Variants in LRRFIP1 observed in about 807,000 individuals in gnomAD.
LRRFIP1 encodes leucine-rich repeat flightless-interacting protein 1.
LRRFIP1 carries 62 observed loss-of-function variants against 104.4 expected under a neutral mutation model. The observed-to-expected ratio is 0.59, with a 90% CI of 0.48 to 0.73. LRRFIP1 has a LOEUF of 0.73. Ranked by LOEUF, LRRFIP1 falls within the 30% of genes least tolerant of loss-of-function variation. The probability of loss-of-function intolerance (pLI) is 0.00; values close to 1 mark genes in which losing one functional copy is unlikely to be tolerated. For synonymous variants in LRRFIP1, 300 were observed against 299.0 expected (o/e 1.00, Z -0.03); for missense variants, 796 against 824.5 (o/e 0.97, Z 0.42).
At chr2:237,744,037 A>G (rs1410760565) in intron 11 of LRRFIP1, among the ~76,000 whole-genome samples, 44 of 152,232 alleles carry the variant, frequency 2.9e-4, no homozygotes, top group Admixed American at 2.9e-3. Flanking sequence ...CTAGAAAAAC[A>G]ACACTATTTT....
intron 18 of LRRFIP1, among the ~76,000 whole-genome samples, chr2:237,759,570 G>A (rs768448954): frequency 2.0e-5 from 3 of 152,216 alleles, no homozygotes; most frequent in Non-Finnish European, 4.4e-5. Context: ...GCTGTTTTCA[G>A]TGAATTCTGT....
chr2:237,712,126 C>T lies in LRRFIP1; in HGVS notation c.184-2133C>T, dbSNP rs551051968. 3.3e-3 allele frequency among the ~76,000 whole-genome samples: 498 copies of T among 152,334 alleles called. 8 individuals carry two copies. In the East Asian group the frequency reaches 0.047, roughly 14 times the overall value. ...CTGGGCTTGGTGCTGTCACCTACCACTGGTGACGGGCATCTTCCCAAACTT... is the reference window on the plus strand; with the variant it reads ...CTGGGCTTGGTGCTGTCACCTACCATTGGTGACGGGCATCTTCCCAAACTT... On this transcript the variant is annotated intron_variant, in intron 2 of 23. Transcript: ENST00000308482.
chr2:237,723,549 C>A lies in LRRFIP1; in HGVS notation c.347C>A (p.Ser116Ter). ...TTTCTGCCATCTTTCTTCTGACAGT[C>A]GCAGCCTGACTTGGAGTATGGGGGT... ...MSVGSRGSLR[S>*]QPDLEYGGPY... Residue 116 changes from serine (S) to a stop codon, truncating the protein, a stop_gained and splice_region_variant, in exon 7 of 24, where the codon TCG (serine) becomes TAG (stop). Coordinates refer to ENST00000308482, the MANE Select transcript of LRRFIP1 (RefSeq NM_001137550.2). LOFTEE classifies it high-confidence loss of function. 1.2e-6 allele frequency: 2 copies of A among 1,613,146 alleles called. No individual in the cohort carries two copies. The highest frequency in any genetic ancestry group is 1.7e-6 in the Non-Finnish European group (2 of 1,179,534).
At chr2:237,693,722 A>G (rs1253857754) in intron 1 of LRRFIP1, among the ~76,000 whole-genome samples, 1 of 152,122 alleles carries the variant, frequency 6.6e-6, no homozygotes. Flanking sequence ...CAGGAGGAGG[A>G]TGGAGGTGAA....
chr2:237,771,553 C>T (rs1240974942), intron 20 of LRRFIP1, among the ~76,000 whole-genome samples: 3 of 48,608 alleles, frequency 6.2e-5, no homozygotes, highest in African/African-American at 2.5e-4. Flanking sequence ...GGAACCAATC[C>T]CCCCCCCCCC....
chr2:237,640,924 G>C (rs148960377), intron 1 of LRRFIP1, among the ~76,000 whole-genome samples: 5 of 152,160 alleles, frequency 3.3e-5, no homozygotes, highest in African/African-American at 1.2e-4. Context: ...AGCCTGCTGG[G>C]ATGGGACAGG....
intron 1 of LRRFIP1, among the ~76,000 whole-genome samples, chr2:237,701,832 C>T (rs1345152555): frequency 6.6e-6 from 1 of 152,234 alleles, no homozygotes; most frequent in Non-Finnish European, 1.5e-5. Context: ...GTGCTTTTAT[C>T]TGTGGCTCGG....
In LRRFIP1 at chr2:237,672,204, G is replaced by A. The variant is rs143386866; in HGVS notation, c.97-36340G>A. ...ATTGCATCATATACAATATTGGCCT[G>A]TACCAAGCACCTGTATCCAGAAAAG... is the stretch of plus-strand genomic sequence containing the variant. On this transcript the variant is annotated intron_variant, in intron 1 of 23. Coordinates refer to ENST00000308482, the MANE Select transcript of LRRFIP1 (RefSeq NM_001137550.2). 4.1e-3 allele frequency among the ~76,000 whole-genome samples: 620 copies of A among 152,006 alleles called. 3 individuals carry two copies. Among genetic ancestry groups the A allele is most frequent in the Non-Finnish European group, 5.7e-3 (389 of 67,994 alleles).
chr2:237,685,115 C>CG lies in LRRFIP1; in HGVS notation c.97-23429_97-23428insG, dbSNP rs1460104644. Among the ~76,000 whole-genome samples, 124 of 25,670 alleles carry CG rather than the reference C, an allele frequency of 4.8e-3. 1 individual carries two copies. Among genetic ancestry groups the CG allele is most frequent in the Middle Eastern group, 0.033 (1 of 30 alleles). 16.8% of individuals were successfully genotyped at this position (25,670 alleles called of 152,430 possible). A position where few individuals can be genotyped will look rare whatever the true frequency, so the allele number is the denominator to read the frequency against. On this transcript the variant is annotated intron_variant, in intron 1 of 23. Transcript: ENST00000308482. ...GACCTTGTCTCCCTACCCTCCCCCC[C>CG]CCACACAAAAAAACCCCAAAAATCA...
chr2:237,753,871 G>A (rs11680408), intron 15 of LRRFIP1, among the ~76,000 whole-genome samples: 38,754 of 148,892 alleles, frequency 0.26, 5,317 homozygotes, highest in East Asian at 0.52. Flanking sequence ...GATATATCGT[G>A]TGTATGTATG....
intron 10 of LRRFIP1, among the ~76,000 whole-genome samples, chr2:237,737,414 A>T (rs967678414): frequency 3.3e-5 from 5 of 152,208 alleles, no homozygotes; most frequent in Non-Finnish European, 5.9e-5. Flanking sequence ...ACTTCTGCAC[A>T]TTAGCCACAT....
intron 23 of LRRFIP1, among the ~76,000 whole-genome samples, chr2:237,779,107 G>A (rs540017313): frequency 3.3e-5 from 5 of 152,064 alleles, no homozygotes; most frequent in South Asian, 2.1e-4. Flanking sequence ...CTGTAGTCCC[G>A]GGAGGCTGAG....
intron 1 of LRRFIP1, among the ~76,000 whole-genome samples, chr2:237,663,752 CG>C (rs774687468): frequency 5.3e-4 from 81 of 152,268 alleles, no homozygotes; most frequent in Non-Finnish European, 9.7e-4. Context: ...GTTGGTGGAG[CG>C]GGGACCCGGG....
intron 1 of LRRFIP1, among the ~76,000 whole-genome samples, chr2:237,699,840 C>G (rs1426349475): frequency 6.6e-6 from 1 of 150,564 alleles, no homozygotes; most frequent in African/African-American, 2.4e-5. Flanking sequence ...GTCAACACTT[C>G]CGCCACTGCC....
At chr2:237,674,867 C>T (rs1469439466) in intron 1 of LRRFIP1, among the ~76,000 whole-genome samples, 3 of 152,234 alleles carry the variant, frequency 2.0e-5, no homozygotes, top group East Asian at 1.9e-4. Flanking sequence ...AGGACGTGCA[C>T]GCACGTGCTG....
chr2:237,666,846 TTTC>T (rs2089428584), intron 1 of LRRFIP1, among the ~76,000 whole-genome samples: 1 of 149,622 alleles, frequency 6.7e-6, no homozygotes, highest in African/African-American at 2.5e-5. Flanking sequence ...TGCCTTCTTT[TTTC>T]TTTCTTTCTT....
intron 18 of LRRFIP1, 134 bp downstream of exon 18, chr2:237,758,955 T>C: frequency 3.4e-6 from 2 of 584,962 alleles, no homozygotes; most frequent in Admixed American, 6.7e-5. Flanking sequence ...ATAATTCATA[T>C]ATTGGGTTAA....
chr2:237,645,443 C>T (rs1052451999), intron 1 of LRRFIP1, among the ~76,000 whole-genome samples: 4 of 148,684 alleles, frequency 2.7e-5, no homozygotes, highest in African/African-American at 9.7e-5. Flanking sequence ...GACATGGACT[C>T]CGACACCTTC....
intron 9 of LRRFIP1, among the ~76,000 whole-genome samples, chr2:237,734,648 C>A (rs2095172638): frequency 6.6e-6 from 1 of 152,178 alleles, no homozygotes; most frequent in Non-Finnish European, 1.5e-5. Context: ...AATGGCTGAG[C>A]AAACTAGTAT....
Sources: gnomAD v4.1 joint callset for allele counts (sites outside exome capture counted in the v4.1 genomes callset) on GRCh38, gnomAD v4.1.1 for gene constraint, MANE v1.5 for transcripts, NCBI Gene and HGNC (gene_info 2026-07-23, HGNC 2026-07-21) for gene names.